The following APOL1 variants were observed in gnomAD, a reference collection of about 807,000 sequenced individuals.
APOL1 encodes the protein apolipoprotein L1.
APOL1 carries 17 observed loss-of-function variants against 14.9 expected under a neutral mutation model. The ratio of observed to expected loss-of-function variants is 1.14; its 90% confidence interval spans 0.78 to 1.71. APOL1 has a LOEUF of 1.71. APOL1 is among the 40% of genes most tolerant of loss of function. APOL1 has a pLI of 0.00. For missense variants in APOL1, 523 were observed against 485.9 expected (o/e 1.08, Z -0.72); for synonymous variants, 195 against 184.8 (o/e 1.05, Z -0.45).
chr22:36,265,253 GT>G lies in APOL1; in HGVS notation c.420del (p.Leu141Ter). On this transcript the variant is annotated frameshift_variant, in exon 6 of 6. Coordinates refer to ENST00000397278, the MANE Select transcript of APOL1 (RefSeq NM_003661.4). LOFTEE classifies it low-confidence loss of function (END_TRUNC). Reference sequence around the variant, plus strand: ...ATAAAGGCCAGCAGTACAGAAACTGGTTTCTGAAAGAGTTTCCTCGGTTGAA... The same window carrying G: ...ATAAAGGCCAGCAGTACAGAAACTGGTTCTGAAAGAGTTTCCTCGGTTGAA... Reference protein sequence around the residue: ...HDKGQQYRNWFLKEFPRLKSE... With the variant: ...HDKGQQYRNWXLKEFPRLKSE... The G allele has an allele frequency of 6.2e-7, 1 of 1,614,192 alleles. No individual in the cohort carries two copies. The highest frequency in any genetic ancestry group is 8.5e-7 in the Non-Finnish European group (1 of 1,180,030).
chr22:36,258,149 TC>T (rs564931127), intron 4 of APOL1, among the ~76,000 whole-genome samples: 6 of 149,836 alleles, frequency 4.0e-5, no homozygotes, highest in African/African-American at 1.2e-4. Flanking sequence ...AGCCACCCCG[TC>T]CCCCCCCAGC....
intron 4 of APOL1, among the ~76,000 whole-genome samples, chr22:36,260,310 G>C (rs1164547622): frequency 6.6e-6 from 1 of 152,144 alleles, no homozygotes; most frequent in Non-Finnish European, 1.5e-5. Flanking sequence ...CAGGAGAATG[G>C]CATGAACCCA....
chr22:36,260,306 A>G (rs2016037433), intron 4 of APOL1, among the ~76,000 whole-genome samples: 1 of 152,152 alleles, frequency 6.6e-6, no homozygotes, highest in Non-Finnish European at 1.5e-5. Context: ...GAGGCAGGAG[A>G]ATGGCATGAA....
Position 36,261,677 on chromosome 22 carries a change from A to G in APOL1, c.269A>G (p.Asp90Gly), listed in dbSNP as rs1279536722. The G allele has an allele frequency of 6.2e-7, 1 of 1,614,190 alleles. No individual in the cohort carries two copies. The highest frequency in any genetic ancestry group is 1.1e-5 in the South Asian group (1 of 91,084). ...STQNLLLLLT[D>G]NEAWNGFVAA... ...CAGAATCTGCTACTCCTGCTGACTG[A>G]TAATGAGGCCTGGAACGGATTCGTG... The change falls in exon 5 of 6, where the codon GAT becomes GGT. Residue 90 changes from aspartate to glycine, a missense_variant. By Grantham distance (94) the Asp-to-Gly change is moderately conservative. Coordinates refer to ENST00000397278, the MANE Select transcript of APOL1 (RefSeq NM_003661.4).
intron 1 of APOL1, among the ~76,000 whole-genome samples, chr22:36,253,609 G>C (rs1481359210): frequency 6.6e-6 from 1 of 152,250 alleles, no homozygotes; most frequent in African/African-American, 2.4e-5. Flanking sequence ...GCTGGCCCCA[G>C]GGTGCTGCTG....
Position 36,261,627 on chromosome 22 carries a change from G to A in APOL1, c.219G>A (p.Lys73=), listed in dbSNP as rs749213200. Residue 73 remains lysine (K), a synonymous_variant, in exon 5 of 6, where the codon AAG becomes AAA. Coordinates refer to ENST00000397278, the MANE Select transcript of APOL1 (RefSeq NM_003661.4). ...ESSIFIEDAI[K]YFKEKVSTQN... is the part of the protein sequence containing the mutation. ...GTATCTTTATTGAGGATGCCATTAAGTATTTCAAGGAAAAAGTGAGCACAC... is the reference window on the plus strand; with the variant it reads ...GTATCTTTATTGAGGATGCCATTAAATATTTCAAGGAAAAAGTGAGCACAC... The A allele has an allele frequency of 8.7e-6, 14 of 1,613,694 alleles. No individual in the cohort carries two copies. The highest frequency in any genetic ancestry group is 2.7e-5 in the African/African-American group (2 of 74,876).
In APOL1 at chr22:36,267,341, C is replaced by T. The variant is rs1464371280; in HGVS notation, c.*1308C>T. On this transcript the variant is annotated 3_prime_UTR_variant, in exon 6 of 6. Coordinates refer to ENST00000397278, the MANE Select transcript of APOL1 (RefSeq NM_003661.4). The stretch of plus-strand genomic sequence containing the variant: ...CAGGTGTCCCTGAGAACCCAAACTT[C>T]CCAGAGAGTATGTGAGAACCAACCA... 1 of 152,246 alleles carries T rather than the reference C, an allele frequency of 6.6e-6. No individual in the cohort carries two copies. Among genetic ancestry groups the T allele is most frequent in the Non-Finnish European group, 1.5e-5 (1 of 68,090 alleles). The allele number at this position is 152,246 out of a possible 1,614,324, so 9.4% of individuals were successfully genotyped here.
intron 4 of APOL1, among the ~76,000 whole-genome samples, chr22:36,258,496 C>T (rs1244257244): frequency 6.6e-6 from 1 of 152,158 alleles, no homozygotes; most frequent in Admixed American, 6.5e-5. Context: ...CACGTTGGTG[C>T]CAGTGTGAGT....
At chr22:36,253,287 T>G (rs980465312) in intron 1 of APOL1, 68 bp downstream of exon 1, 5 of 322,160 alleles carry the variant, frequency 1.6e-5, no homozygotes, top group African/African-American at 1.1e-4. Flanking sequence ...CTGGGAGAGG[T>G]TAGGTGACTG....
In APOL1 at chr22:36,257,411, G is replaced by C; in HGVS notation, c.187+4G>C. 6.2e-7 allele frequency: 1 copy of C among 1,613,104 alleles called. No homozygotes were observed. The highest frequency in any genetic ancestry group is 8.5e-7 in the Non-Finnish European group (1 of 1,179,024). ...GCTGCTGGCACCATGGACCCAGGTA[G>C]GCTCACCTCCTCTTCCCTGCTGGTT... On this transcript the variant is annotated splice_donor_region_variant and intron_variant, in intron 4 of 5. Coordinates refer to ENST00000397278, the MANE Select transcript of APOL1 (RefSeq NM_003661.4).
At chr22:36,259,205 G>A (rs1037431653) in intron 4 of APOL1, among the ~76,000 whole-genome samples, 18 of 152,134 alleles carry the variant, frequency 1.2e-4, no homozygotes, top group Non-Finnish European at 2.2e-4. Flanking sequence ...TAAAGGCCTC[G>A]TAGGTATTGC....
chr22:36,258,976 C>G (rs149069591), intron 4 of APOL1, among the ~76,000 whole-genome samples: 4 of 152,158 alleles, frequency 2.6e-5, no homozygotes, highest in African/African-American at 9.7e-5. Flanking sequence ...ATCCCCTCCC[C>G]CTGTCCCTAC....
rs2016259672 is a variant in APOL1 at position 36,266,287 on chromosome 22, C to T, written c.*254C>T. On this transcript the variant is annotated 3_prime_UTR_variant, in exon 6 of 6. Coordinates refer to ENST00000397278, the MANE Select transcript of APOL1 (RefSeq NM_003661.4). ...TGTATTTTTAATAGAGATGGGGTTT[C>T]ACCATGTTGGCCAGGATGGTCTCGA... 1 of 455,228 alleles carries T rather than the reference C, an allele frequency of 2.2e-6. No individual in the cohort carries two copies. Among genetic ancestry groups the T allele is most frequent in the Non-Finnish European group, 3.9e-6 (1 of 259,320 alleles). 28.2% of individuals were successfully genotyped at this position (455,228 alleles called of 1,614,324 possible).
intron 4 of APOL1, chr22:36,259,938 G>A (rs1224123281): frequency 7.9e-7 from 1 of 1,263,314 alleles, no homozygotes; most frequent in Non-Finnish European, 1.0e-6. Flanking sequence ...AAGGGAGAAT[G>A]CAGAGACCAC....
chr22:36,266,063 T>G lies in APOL1; in HGVS notation c.*30T>G. On this transcript the variant is annotated 3_prime_UTR_variant, in exon 6 of 6. Coordinates refer to ENST00000397278, the MANE Select transcript of APOL1 (RefSeq NM_003661.4). ...AGGGCAGGGCAGCCACCAGGAGAGA[T>G]ATGCCTGGCAGGGGCCAGGACAAAA... 6.4e-7 allele frequency: 1 copy of G among 1,553,602 alleles called. No individual in the cohort carries two copies. Among genetic ancestry groups the G allele is most frequent in the East Asian group, 2.3e-5 (1 of 44,378 alleles).
intron 4 of APOL1, 24 bp downstream of exon 4, chr22:36,257,431 C>T: frequency 6.3e-7 from 1 of 1,599,656 alleles, no homozygotes; most frequent in South Asian, 1.1e-5. Flanking sequence ...CTCTTCCCTG[C>T]TGGTTCCTAC....
rs780096138 is a variant in APOL1, at chr22:36,265,779, G to A, written c.943G>A (p.Gly315Ser). 8.1e-6 allele frequency: 13 copies of A among 1,614,156 alleles called. No individual in the cohort carries two copies. The Admixed American group carries it at 1.7e-4, about 21-fold the overall frequency. ...CACTGAGCCAATCTCAGCTGAAAGC[G>A]GTGAACAGGTGGAGAGGGTTAATGA... ...RVTEPISAESGEQVERVNEPS... is the reference protein window; with the variant it reads ...RVTEPISAESSEQVERVNEPS... Residue 315 changes from glycine (G) to serine (S), a missense_variant, in exon 6 of 6, where the codon GGT becomes AGT. Coordinates refer to ENST00000397278, the MANE Select transcript of APOL1 (RefSeq NM_003661.4).
chr22:36,260,268 G>A (rs552678875), intron 4 of APOL1, among the ~76,000 whole-genome samples: 4 of 152,188 alleles, frequency 2.6e-5, no homozygotes, highest in East Asian at 1.9e-4. Context: ...GGTGGCAGGC[G>A]CCTGTAGTCC....
intron 4 of APOL1, among the ~76,000 whole-genome samples, chr22:36,261,048 T>C (rs144642478): frequency 1.3e-3 from 193 of 152,352 alleles, no homozygotes; most frequent in Admixed American, 2.6e-3. Context: ...ATGTTGGTGC[T>C]GAGCTGAAAA....
Sources: allele counts gnomAD v4.1 joint callset (sites outside exome capture counted in the v4.1 genomes callset), GRCh38; gene constraint gnomAD v4.1.1; transcripts MANE v1.5; gene names NCBI Gene and HGNC (gene_info 2026-07-23, HGNC 2026-07-21).